Variants in ELK4 observed in about 807,000 individuals in gnomAD.
ELK4 encodes the protein ETS domain-containing protein Elk-4.
A neutral mutation model predicts 29.6 loss-of-function variants in ELK4; 16 were observed. That is an observed-to-expected ratio of 0.54 (90% CI 0.37 to 0.82). The LOEUF (loss-of-function observed/expected upper bound fraction) is 0.82, where lower values mean the gene tolerates loss of function less well. Ranked by LOEUF, ELK4 falls within the 40% of genes least tolerant of loss-of-function variation. ELK4 has a pLI of 0.00. For synonymous variants in ELK4, 213 were observed against 191.1 expected (o/e 1.11, Z -0.95); for missense variants, 465 against 507.1 (o/e 0.92, Z 0.80).
At position 205,613,883 on chromosome 1, in the gene ELK4, A is replaced by T. The variant is rs1456894166; in HGVS notation, c.*2663T>A. 1 of 216,918 alleles carries T rather than the reference A, an allele frequency of 4.6e-6. No individual in the cohort carries two copies. The highest frequency in any genetic ancestry group is 9.3e-6 in the Non-Finnish European group (1 of 107,666). 13.4% of individuals were successfully genotyped at this position (216,918 alleles called of 1,614,324 possible). On this transcript the variant is annotated 3_prime_UTR_variant, in exon 5 of 5. Transcript: ENST00000357992. ...ATACGAGCTACAGCTACCAATTACA[A>T]GTCTCTCCAGTGAAAACTGATCTGA...
intron 1 of ELK4, among the ~76,000 whole-genome samples, chr1:205,630,590 T>C (rs1445336456): frequency 6.6e-6 from 1 of 152,236 alleles, no homozygotes; most frequent in African/African-American, 2.4e-5. Flanking sequence ...CATGACGTTT[T>C]TAACTACACA....
intron 1 of ELK4, among the ~76,000 whole-genome samples, chr1:205,631,156 G>A (rs1670576221): frequency 6.6e-6 from 1 of 152,174 alleles, no homozygotes; most frequent in Non-Finnish European, 1.5e-5. Flanking sequence ...TGGAGCGAAA[G>A]AGAAAAAGAA....
In ELK4 at chr1:205,612,726, G is replaced by A. The variant is rs534873659; in HGVS notation, c.*3820C>T. 3.0e-4 allele frequency: 62 copies of A among 210,146 alleles called. No individual in the cohort carries two copies. In the South Asian group the frequency reaches 0.011, roughly 36 times the overall value. The allele number at this position is 210,146 out of a possible 1,614,324, so 13.0% of individuals were successfully genotyped here. On this transcript the variant is annotated 3_prime_UTR_variant, in exon 5 of 5. Coordinates refer to ENST00000357992, the MANE Select transcript of ELK4 (RefSeq NM_001973.4). ...ATGAAACAATGTTGTCAGACTGGAC[G>A]TCACACAATGCAGGGGTGAATGGAA...
Position 205,610,273 on chromosome 1 carries a change from C to A in ELK4, c.*6273G>T. 1 of 231,424 alleles carries A rather than the reference C, an allele frequency of 4.3e-6. No individual in the cohort carries two copies. The highest frequency in any genetic ancestry group is 8.6e-6 in the Non-Finnish European group (1 of 116,900). The allele number at this position is 231,424 out of a possible 1,614,324, so 14.3% of individuals were successfully genotyped here. A position where few individuals can be genotyped will look rare whatever the true frequency, so the allele number is the denominator to read the frequency against. On this transcript the variant is annotated 3_prime_UTR_variant, in exon 5 of 5. Coordinates refer to ENST00000357992, the MANE Select transcript of ELK4 (RefSeq NM_001973.4). The stretch of plus-strand genomic sequence containing the variant: ...AGCCTTTATGAGATGGGAAACAAGG[C>A]AAAGTTGAGAAGATCATTCAGCCCA...
chr1:205,616,540 C>T lies in ELK4; in HGVS notation c.*6G>A. On this transcript the variant is annotated 3_prime_UTR_variant, in exon 5 of 5. Transcript: ENST00000357992. The stretch of plus-strand genomic sequence containing the variant: ...CCTCGGTTCTCTCATTCCACAAGTG[C>T]ATAGGTTATGTCTTCTGTAGGTCTG... The T allele has an allele frequency of 1.2e-6, 2 of 1,613,310 alleles. No individual in the cohort carries two copies. The highest frequency in any genetic ancestry group is 8.5e-7 in the Non-Finnish European group (1 of 1,179,280).
rs1670282181 is a variant in ELK4, at chr1:205,619,090, A to C, written c.1081-17T>G. 1 of 1,503,296 alleles carries C rather than the reference A, an allele frequency of 6.7e-7. No homozygotes were observed. The highest frequency in any genetic ancestry group is 1.4e-5 in the African/African-American group (1 of 70,476). The allele number at this position is 1,503,296 out of a possible 1,614,324, so 93.1% of individuals were successfully genotyped here. On this transcript the variant is annotated splice_polypyrimidine_tract_variant and intron_variant, in intron 3 of 4. Transcript: ENST00000357992. ...GATGGGTGTCTGCAATACACAAAGCAAAAATATTCACTGACTGACTTACCA... is the reference window on the plus strand; with the variant it reads ...GATGGGTGTCTGCAATACACAAAGCCAAAATATTCACTGACTGACTTACCA...
In ELK4 at chr1:205,615,130, C is replaced by T. The variant is rs904428772; in HGVS notation, c.*1416G>A. ...AAAAAAAAAAGTTGAAAGAAATAAG[C>T]ACATCTGAGCCTGCGCCTTTGGGAG... is the stretch of plus-strand genomic sequence containing the variant. On this transcript the variant is annotated 3_prime_UTR_variant, in exon 5 of 5. Transcript: ENST00000357992. 3.3e-5 allele frequency: 6 copies of T among 179,474 alleles called. No homozygotes were observed. The highest frequency in any genetic ancestry group is 2.5e-4 in the Admixed American group (4 of 15,842). The allele number at this position is 179,474 out of a possible 1,614,324, so 11.1% of individuals were successfully genotyped here. A position where few individuals can be genotyped will look rare whatever the true frequency, so the allele number is the denominator to read the frequency against.
chr1:205,629,456 T>G (rs1461119508), intron 1 of ELK4, among the ~76,000 whole-genome samples: 1 of 152,192 alleles, frequency 6.6e-6, no homozygotes, highest in East Asian at 1.9e-4. Context: ...CCGGGCACAG[T>G]GGCATACGCC....
Position 205,620,056 on chromosome 1 carries a change from G to A in ELK4, c.990C>T (p.Thr330=). The change falls in exon 3 of 5, where the codon ACC becomes ACT. Residue 330 remains threonine, a synonymous_variant. Transcript: ENST00000357992. ...TTGGATCACTGCTCGTGATCACAAGGGTGGGTGCCAGTTCTAACCCTTTGG... is the reference window on the plus strand; with the variant it reads ...TTGGATCACTGCTCGTGATCACAAGAGTGGGTGCCAGTTCTAACCCTTTGG... The part of the protein sequence containing the change: ...KKPKGLELAP[T]LVITSSDPSP... 1 of 1,614,208 alleles carries A rather than the reference G, an allele frequency of 6.2e-7. No individual in the cohort carries two copies. Among genetic ancestry groups the A allele is most frequent in the Middle Eastern group, 1.7e-4 (1 of 6,060 alleles).
rs547751701 is a variant in ELK4, at chr1:205,619,797, A to G, written c.1080+169T>C. On this transcript the variant is annotated intron_variant, in intron 3 of 4. Coordinates refer to ENST00000357992, the MANE Select transcript of ELK4 (RefSeq NM_001973.4). ...ATACTCCAAACTTTCTATTTTAGCA[A>G]TCCTAATTAAGATGAGAAATGGGGT... 13 of 1,532,190 alleles carry G rather than the reference A, an allele frequency of 8.5e-6. No individual in the cohort carries two copies. The African/African-American group carries it at 1.7e-4, about 20-fold the overall frequency. The allele number at this position is 1,532,190 out of a possible 1,614,324, so 94.9% of individuals were successfully genotyped here.
intron 1 of ELK4, among the ~76,000 whole-genome samples, chr1:205,629,313 A>G (rs1670530882): frequency 6.6e-6 from 1 of 152,240 alleles, no homozygotes; most frequent in African/African-American, 2.4e-5. Context: ...CAATTATGAT[A>G]TCGTTATTCT....
In ELK4 at chr1:205,620,773, C is replaced by T; in HGVS notation, c.273G>A (p.Leu91=). The T allele has an allele frequency of 6.2e-7, 1 of 1,613,954 alleles. No homozygotes were observed. The highest frequency in any genetic ancestry group is 1.7e-5 in the Admixed American group (1 of 59,998). The change falls in exon 3 of 5, where the codon TTG becomes TTA. Residue 91 remains leucine, a synonymous_variant. Coordinates refer to ENST00000357992, the MANE Select transcript of ELK4 (RefSeq NM_001973.4). ...VYKFVSYPEI[L]NMDPMTVGRI... ...TGCCCACTGTCATTGGATCCATGTT[C>T]AAAATCTCTGGATAAGAGACAAACT...
chr1:205,623,775 C>T lies in ELK4; in HGVS notation c.108G>A (p.Leu36=). The change falls in exon 2 of 5, where the codon TTG becomes TTA. Residue 36 remains leucine, a synonymous_variant. Coordinates refer to ENST00000357992, the MANE Select transcript of ELK4 (RefSeq NM_001973.4). ...WTSNDGQFKL[L]QAEEVARLWG... is the part of the protein sequence containing the mutation. The stretch of plus-strand genomic sequence containing the variant: ...AGAGACGAGCCACCTCTTCTGCCTG[C>T]AAAAGCTTAAACTGCCCATCATTAG... The T allele has an allele frequency of 6.2e-7, 1 of 1,614,156 alleles. No homozygotes were observed. Among genetic ancestry groups the T allele is most frequent in the Non-Finnish European group, 8.5e-7 (1 of 1,180,040 alleles).
intron 1 of ELK4, among the ~76,000 whole-genome samples, chr1:205,631,069 G>C (rs903666009): frequency 2.6e-5 from 4 of 152,184 alleles, no homozygotes; most frequent in Non-Finnish European, 5.9e-5. Context: ...GTTTCCAATT[G>C]ATCTTCCCAG....
At chr1:205,619,868 A>T (rs1670299683) in intron 3 of ELK4, 98 bp downstream of exon 3, 3 of 1,613,490 alleles carry the variant, frequency 1.9e-6, no homozygotes, top group African/African-American at 2.7e-5. Context: ...GACAAACCTA[A>T]GTAACAGAAA....
rs1006443763 is a variant in ELK4, at chr1:205,620,780, T to C, written c.266A>G (p.Glu89Gly). The part of the protein sequence containing the change: ...KFVYKFVSYP[E>G]ILNMDPMTVG... The stretch of plus-strand genomic sequence containing the variant: ...TGTCATTGGATCCATGTTCAAAATC[T>C]CTGGATAAGAGACAAACTTGTACAC... The change falls in exon 3 of 5, where the codon GAG (glutamate) becomes GGG (glycine). Residue 89 changes from glutamate to glycine, a missense_variant. Transcript: ENST00000357992. The C allele has an allele frequency of 6.2e-7, 1 of 1,613,956 alleles. No individual in the cohort carries two copies. Among genetic ancestry groups the C allele is most frequent in the African/African-American group, 1.3e-5 (1 of 75,016 alleles).
intron 2 of ELK4, 52 bp from the exon 3 acceptor site, chr1:205,620,890 CA>C: frequency 6.6e-7 from 1 of 1,513,626 alleles, no homozygotes; most frequent in Non-Finnish European, 8.8e-7. Context: ...ACTTATATCC[CA>C]TAGTTCATGA....
In ELK4 at chr1:205,612,106, A is replaced by T. The variant is rs1410802927; in HGVS notation, c.*4440T>A. On this transcript the variant is annotated 3_prime_UTR_variant, in exon 5 of 5. Transcript: ENST00000357992. ...CATGAAGATAAGAGACAACAGGCTG[A>T]CGAAAGTAATAGGAATAAAGCTGTG... is the stretch of plus-strand genomic sequence containing the variant. 5.1e-6 allele frequency: 1 copy of T among 196,206 alleles called. No homozygotes were observed. Among genetic ancestry groups the T allele is most frequent in the African/African-American group, 2.3e-5 (1 of 43,242 alleles). 12.2% of individuals were successfully genotyped at this position (196,206 alleles called of 1,614,324 possible).
Position 205,608,964 on chromosome 1 carries a change from A to C in ELK4, c.*7582T>G, listed in dbSNP as rs1034559873. On this transcript the variant is annotated 3_prime_UTR_variant, in exon 5 of 5. Transcript: ENST00000357992. ...TGGCAGACATATGCTTTTCTTCTGA[A>C]TTACAGATTGGCTTAATGAAAATTA... The C allele has an allele frequency of 5.3e-6, 1 of 189,528 alleles. No homozygotes were observed. The highest frequency in any genetic ancestry group is 1.1e-5 in the Non-Finnish European group (1 of 90,168). 11.7% of individuals were successfully genotyped at this position (189,528 alleles called of 1,614,324 possible).
Sources: allele counts gnomAD v4.1 joint callset (sites outside exome capture counted in the v4.1 genomes callset), GRCh38; gene constraint gnomAD v4.1.1; transcripts MANE v1.5; gene names NCBI Gene and HGNC (gene_info 2026-07-23, HGNC 2026-07-21).